NFATC3: variants seen among roughly 807,000 people sequenced by gnomAD.
NFATC3 encodes the protein nuclear factor of activated T-cells, cytoplasmic 3.
A neutral mutation model predicts 98.6 loss-of-function variants in NFATC3; 46 were observed. The ratio of observed to expected loss-of-function variants is 0.47; its 90% CI spans 0.37 to 0.60. NFATC3 has a LOEUF of 0.60. Among genes scored for constraint, NFATC3 ranks in the 20% least tolerant of loss-of-function variants. The pLI is 0.00. For synonymous variants in NFATC3, 512 were observed against 472.2 expected, an observed-to-expected ratio of 1.08 and a Z score of -1.09; for missense variants, 1,256 against 1,295.5, an observed-to-expected ratio of 0.97 and a Z score of 0.47.
chr16:68,210,358 A>G (rs895997045), intron 9 of NFATC3, among the ~76,000 whole-genome samples: 1 of 151,936 alleles, frequency 6.6e-6, no homozygotes, highest in African/African-American at 2.4e-5. Flanking sequence ...GTGGTCCCAA[A>G]TACTTGGGAA....
At chr16:68,138,325 C>T (rs1426656843) in intron 3 of NFATC3, among the ~76,000 whole-genome samples, 3 of 152,146 alleles carry the variant, frequency 2.0e-5, no homozygotes, top group South Asian at 2.1e-4. Context: ...AGGTGTAAGC[C>T]ACCGTGCCTG....
intron 3 of NFATC3, among the ~76,000 whole-genome samples, chr16:68,147,755 G>GAAAAA (rs1191298518): frequency 1.1e-5 from 1 of 87,770 alleles, no homozygotes; most frequent in African/African-American, 3.8e-5. Context: ...TCTGTGAACT[G>GAAAAA]AAAAAAAAAA....
At chr16:68,212,054 G>A (rs2044681526) in intron 9 of NFATC3, among the ~76,000 whole-genome samples, 1 of 152,160 alleles carries the variant, frequency 6.6e-6, no homozygotes, top group African/African-American at 2.4e-5. Flanking sequence ...TTATGCTGCT[G>A]TACCTGTAAT....
intron 6 of NFATC3, among the ~76,000 whole-genome samples, chr16:68,176,337 A>C (rs2039703636): frequency 1.3e-5 from 2 of 151,718 alleles, no homozygotes. Flanking sequence ...GAAACAACCT[A>C]AATGCTCAAC....
chr16:68,197,160 T>C (rs946594055), intron 9 of NFATC3, among the ~76,000 whole-genome samples: 2 of 152,160 alleles, frequency 1.3e-5, no homozygotes, highest in African/African-American at 4.8e-5. Flanking sequence ...CCCAGGCTGG[T>C]CTAGAACTCA....
intron 3 of NFATC3, among the ~76,000 whole-genome samples, chr16:68,154,063 C>T (rs1567523387): frequency 1.3e-5 from 2 of 152,024 alleles, no homozygotes; most frequent in African/African-American, 2.4e-5. Context: ...ACTACAGGAG[C>T]ACACCACCAT....
At chr16:68,217,603 G>T in intron 9 of NFATC3, 1 of 1,218,144 alleles carries the variant, frequency 8.2e-7, no homozygotes, top group Non-Finnish European at 1.0e-6. Context: ...AGCTAAGTGA[G>T]TATAATGGAG....
chr16:68,159,404 C>CTTT (rs577760579), intron 4 of NFATC3, among the ~76,000 whole-genome samples: 2 of 133,358 alleles, frequency 1.5e-5, no homozygotes, highest in African/African-American at 5.5e-5. Context: ...ACCTTTCTTT[C>CTTT]TTTTTTTTTT....
intron 1 of NFATC3, among the ~76,000 whole-genome samples, chr16:68,119,482 G>C (rs1024005121): frequency 1.8e-4 from 28 of 151,960 alleles, no homozygotes; most frequent in African/African-American, 5.8e-4. Context: ...ACCACCCGTA[G>C]CTCTCATTAT....
intron 5 of NFATC3, among the ~76,000 whole-genome samples, 154 bp from the exon 6 acceptor site, chr16:68,174,220 T>G (rs896362579): frequency 6.6e-6 from 1 of 152,356 alleles, no homozygotes; most frequent in African/African-American, 2.4e-5. Context: ...TTAGTGTGTT[T>G]TGTTGCCATT....
chr16:68,117,738 G>A (rs755143255), intron 1 of NFATC3, among the ~76,000 whole-genome samples: 1 of 151,984 alleles, frequency 6.6e-6, no homozygotes, highest in African/African-American at 2.4e-5. Flanking sequence ...GGCTGGTCTC[G>A]AACTCCTGAA....
chr16:68,091,382 A>T (rs2034699479), intron 1 of NFATC3, among the ~76,000 whole-genome samples: 1 of 152,168 alleles, frequency 6.6e-6, no homozygotes, highest in Non-Finnish European at 1.5e-5. Flanking sequence ...ATTTGTTTTT[A>T]TTGAAGGCAT....
At chr16:68,102,374 GA>G (rs71268472) in intron 1 of NFATC3, among the ~76,000 whole-genome samples, 1,184 of 30,882 alleles carry the variant, frequency 0.038, 6 homozygotes, top group African/African-American at 0.12. Context: ...TCCATCTCAG[GA>G]AAAAAAAAAA....
chr16:68,150,264 T>C (rs534528252), intron 3 of NFATC3, among the ~76,000 whole-genome samples: 1 of 152,164 alleles, frequency 6.6e-6, no homozygotes, highest in Non-Finnish European at 1.5e-5. Context: ...CTTTATTAAC[T>C]TGAAATGGAG....
intron 5 of NFATC3, among the ~76,000 whole-genome samples, chr16:68,167,810 CTTTTTTTTTTTTTTTTTTTTTTTTT>C (rs35302776): frequency 3.8e-4 from 9 of 23,896 alleles, no homozygotes; most frequent in East Asian, 1.9e-3. Context: ...CGTATGTGTT[CTTTTTTTTTTTTTTTTTTTTTTTTT>C]TTTTTTTTTT....
intron 7 of NFATC3, 64 bp from the exon 8 acceptor site, chr16:68,183,176 G>A (rs1227800891): frequency 1.1e-5 from 16 of 1,508,422 alleles, no homozygotes; most frequent in Admixed American, 9.2e-5. Flanking sequence ...GAGTTGTGAT[G>A]TGTTTAACAG....
chr16:68,169,508 C>T (rs1436941591), intron 5 of NFATC3, among the ~76,000 whole-genome samples: 1 of 152,126 alleles, frequency 6.6e-6, no homozygotes. Flanking sequence ...CCACCTTGGC[C>T]TCTCAAAGTG....
intron 4 of NFATC3, among the ~76,000 whole-genome samples, chr16:68,165,960 TTAA>T (rs1320217296): frequency 6.6e-6 from 1 of 152,266 alleles, no homozygotes; most frequent in East Asian, 1.9e-4. Flanking sequence ...ACAGTCATAC[TTAA>T]TAATAAAGTT....
intron 4 of NFATC3, among the ~76,000 whole-genome samples, chr16:68,158,855 A>G (rs2038745060): frequency 1.3e-5 from 2 of 152,204 alleles, no homozygotes; most frequent in South Asian, 2.1e-4. Flanking sequence ...CCTAAAACCT[A>G]CTTAACAACT....
Sources: allele counts gnomAD v4.1 joint callset (sites outside exome capture counted in the v4.1 genomes callset), GRCh38; gene constraint gnomAD v4.1.1; transcripts MANE v1.5; gene names NCBI Gene and HGNC (gene_info 2026-07-23, HGNC 2026-07-21).